DCAF10: variants seen among roughly 807,000 people sequenced by gnomAD.
DCAF10 encodes DDB1- and CUL4-associated factor 10.
Under a neutral mutation model 51.9 loss-of-function variants are expected in DCAF10, and 19 were observed. That is an observed-to-expected ratio of 0.37 (90% confidence interval 0.26 to 0.54). The LOEUF is 0.54. Ranked by LOEUF, DCAF10 falls within the 20% of genes least tolerant of loss-of-function variation. The pLI, the probability that DCAF10 is intolerant of heterozygous loss-of-function variation, is 0.87. For synonymous variants in DCAF10, 291 were observed against 297.1 expected (o/e 0.98, Z 0.21); for missense variants, 510 against 730.6 (o/e 0.70, Z 3.48).
At chr9:37,826,510 T>C (rs905162420) in intron 2 of DCAF10, among the ~76,000 whole-genome samples, 17 of 152,182 alleles carry the variant, frequency 1.1e-4, no homozygotes, top group Admixed American at 8.5e-4. Flanking sequence ...GCTTAGTATA[T>C]AGTCCAGAGA....
rs1831100767 is a variant in DCAF10 at position 37,864,629 on chromosome 9, TG to T, written c.*3122del. On this transcript the variant is annotated 3_prime_UTR_variant, in exon 7 of 7. Transcript: ENST00000377724. ...AATAAAATAAAATTAGTTTTGGAGGTGAAAACACCCAAACTGTTATTATTTA... is the reference window on the plus strand; with the variant it reads ...AATAAAATAAAATTAGTTTTGGAGGTAAAACACCCAAACTGTTATTATTTA... The T allele has an allele frequency of 6.6e-6, 1 of 150,680 alleles. No individual in the cohort carries two copies. The highest frequency in any genetic ancestry group is 2.1e-4 in the South Asian group (1 of 4,726). 9.3% of individuals were successfully genotyped at this position (150,680 alleles called of 1,614,324 possible). A position where few individuals can be genotyped will look rare whatever the true frequency, so the allele number is the denominator to read the frequency against.
intron 1 of DCAF10, among the ~76,000 whole-genome samples, chr9:37,811,660 G>T (rs866500792): frequency 6.6e-6 from 1 of 152,048 alleles, no homozygotes; most frequent in Admixed American, 6.6e-5. Flanking sequence ...CTTGAGAATA[G>T]ATGAGAAAAA....
At chr9:37,850,829 TATATATATATATATATATATA>T (rs1564048674) in intron 3 of DCAF10, among the ~76,000 whole-genome samples, 20,491 of 67,864 alleles carry the variant, frequency 0.3, 2,590 homozygotes, top group Admixed American at 0.34. Flanking sequence ...ATATATTTTA[TATATATATATATATATATATA>T]TATATATATA....
At chr9:37,827,124 C>G (rs1829876917) in intron 2 of DCAF10, among the ~76,000 whole-genome samples, 1 of 152,134 alleles carries the variant, frequency 6.6e-6, no homozygotes, top group African/African-American at 2.4e-5. Context: ...CTGCGCCCGG[C>G]CACCACAATA....
At chr9:37,849,659 G>C (rs1335021160) in intron 3 of DCAF10, among the ~76,000 whole-genome samples, 3 of 152,118 alleles carry the variant, frequency 2.0e-5, no homozygotes, top group Non-Finnish European at 4.4e-5. Flanking sequence ...GAGGTGGGCA[G>C]ATCATGAGGT....
Position 37,863,954 on chromosome 9 carries a change from CATAT to C in DCAF10, c.*2448_*2451del, listed in dbSNP as rs1330165211. 6.6e-6 allele frequency: 1 copy of C among 152,132 alleles called. No homozygotes were observed. The highest frequency in any genetic ancestry group is 2.4e-5 in the African/African-American group (1 of 41,432). The allele number at this position is 152,132 out of a possible 1,614,324, so 9.4% of individuals were successfully genotyped here. On this transcript the variant is annotated 3_prime_UTR_variant, in exon 7 of 7. Coordinates refer to ENST00000377724, the MANE Select transcript of DCAF10 (RefSeq NM_024345.5). Reference sequence around the variant, plus strand: ...AAATTATCACAAAGCACAGTAAATACATATACTTACCATACATTTTGTAAAAAAC... The same window carrying C: ...AAATTATCACAAAGCACAGTAAATACACTTACCATACATTTTGTAAAAAAC...
chr9:37,859,918 A>G, intron 5 of DCAF10, 130 bp from the exon 6 acceptor site: 4 of 1,115,198 alleles, frequency 3.6e-6, no homozygotes, highest in Middle Eastern at 4.5e-4. Flanking sequence ...GCTCTTTAAC[A>G]TATGGTAGCA....
chr9:37,826,293 G>C (rs568297165), intron 2 of DCAF10, among the ~76,000 whole-genome samples: 2 of 152,306 alleles, frequency 1.3e-5, no homozygotes, highest in South Asian at 4.1e-4. Flanking sequence ...TGCATGTAAA[G>C]AGAAGCTTAA....
intron 1 of DCAF10, among the ~76,000 whole-genome samples, chr9:37,815,043 ATAAC>A (rs1193395790): frequency 5.9e-5 from 9 of 152,254 alleles, no homozygotes; most frequent in Non-Finnish European, 1.2e-4. Flanking sequence ...ATTAATGTAA[ATAAC>A]TACATTAATA....
Position 37,800,919 on chromosome 9 carries a change from G to C in DCAF10, c.53G>C (p.Gly18Ala). Residue 18 changes from glycine (G) to alanine (A), a missense_variant, in exon 1 of 7, where the codon GGG (glycine) becomes GCG (alanine). Gly to Ala is a moderately conservative substitution (Grantham distance 60). Transcript: ENST00000377724. ...GGAGGGGACGGATCGGCCGGAGCCG[G>C]GGCTGAGGAGCCGACGCCCCACGAG... ...SPGGDGSAGAGAEEPTPHEGQ... is the reference protein window; with the variant it reads ...SPGGDGSAGAAAEEPTPHEGQ... 1 of 1,496,088 alleles carries C rather than the reference G, an allele frequency of 6.7e-7. No homozygotes were observed. The highest frequency in any genetic ancestry group is 8.8e-7 in the Non-Finnish European group (1 of 1,130,410). The allele number at this position is 1,496,088 out of a possible 1,614,324, so 92.7% of individuals were successfully genotyped here. A position where few individuals can be genotyped will look rare whatever the true frequency, so the allele number is the denominator to read the frequency against.
At chr9:37,847,045 G>A (rs999140542) in intron 3 of DCAF10, among the ~76,000 whole-genome samples, 9 of 151,758 alleles carry the variant, frequency 5.9e-5, no homozygotes, top group African/African-American at 2.2e-4. Context: ...CTTGAGGTCA[G>A]GAGTTCAAGA....
chr9:37,838,071 T>C (rs1830225930), intron 2 of DCAF10, among the ~76,000 whole-genome samples: 1 of 152,024 alleles, frequency 6.6e-6, no homozygotes. Flanking sequence ...ACATAAACCA[T>C]ATAAAAGATA....
intron 1 of DCAF10, among the ~76,000 whole-genome samples, chr9:37,809,786 C>A (rs1268379226): frequency 6.6e-6 from 1 of 151,246 alleles, no homozygotes; most frequent in South Asian, 2.1e-4. Context: ...TGAGCCAAGA[C>A]TGTGCCACTT....
chr9:37,805,124 T>C (rs1829073023), intron 1 of DCAF10, among the ~76,000 whole-genome samples: 1 of 152,222 alleles, frequency 6.6e-6, no homozygotes, highest in Non-Finnish European at 1.5e-5. Context: ...TACATGTTAA[T>C]CTGATAATGT....
At chr9:37,839,996 A>G (rs1045579091) in intron 2 of DCAF10, among the ~76,000 whole-genome samples, 25 of 152,300 alleles carry the variant, frequency 1.6e-4, no homozygotes, top group African/African-American at 5.5e-4. Context: ...TGTTCCTTAC[A>G]GTATAATATT....
At position 37,829,048 on chromosome 9, in the gene DCAF10, T is replaced by A. The variant is rs1394118833; in HGVS notation, c.653+9647T>A. On this transcript the variant is annotated intron_variant, in intron 2 of 6. Transcript: ENST00000377724. The surrounding 1 kb of genome is among the most constrained non-coding windows in gnomAD (Gnocchi z 4.2). ...AACGCATCATAATAATGTGAGAAGA[T>A]AGGCTATAGTTGGTGGGAGAAGGTA... Among the ~76,000 whole-genome samples the A allele has an allele frequency of 6.6e-6, 1 of 152,228 alleles. No individual in the cohort carries two copies. Among genetic ancestry groups the A allele is most frequent in the African/African-American group, 2.4e-5 (1 of 41,450 alleles).
chr9:37,837,630 G>C (rs1830208813), intron 2 of DCAF10, among the ~76,000 whole-genome samples: 1 of 152,062 alleles, frequency 6.6e-6, no homozygotes, highest in African/African-American at 2.4e-5. Flanking sequence ...AAAGAGGCAA[G>C]ACTACAATGG....
rs759594273 is a variant in DCAF10, at chr9:37,857,310, ATTC to A, written c.1129_1131del (p.Ser377del). 1 of 1,611,196 alleles carries A rather than the reference ATTC, an allele frequency of 6.2e-7. No homozygotes were observed. The highest frequency in any genetic ancestry group is 2.2e-5 in the East Asian group (1 of 44,668). ...TCACCTTGTCATCATAGTGATTCTA[ATTC>A]TTCTGAGAAACACATGTCACGAGCC... On this transcript the variant is annotated inframe_deletion, in exon 5 of 7. Coordinates refer to ENST00000377724, the MANE Select transcript of DCAF10 (RefSeq NM_024345.5).
At chr9:37,817,111 A>G (rs903142687) in intron 1 of DCAF10, among the ~76,000 whole-genome samples, 2 of 152,218 alleles carry the variant, frequency 1.3e-5, no homozygotes, top group Non-Finnish European at 2.9e-5. Flanking sequence ...TTATAAACCA[A>G]TGTAAATAAG....
Sources: gnomAD v4.1 joint callset for allele counts (sites outside exome capture counted in the v4.1 genomes callset) on GRCh38, gnomAD v4.1.1 for gene constraint, Gnocchi (gnomAD v3.1) non-coding constraint, MANE v1.5 for transcripts, NCBI Gene and HGNC (gene_info 2026-07-23, HGNC 2026-07-21) for gene names.